The following SLC7A1 variants were observed in gnomAD, a reference collection of about 807,000 sequenced individuals.
SLC7A1 encodes high affinity cationic amino acid transporter 1.
In SLC7A1, 10 loss-of-function variants were observed where a neutral mutation model predicts 53.9. The ratio of observed to expected loss-of-function variants is 0.19; its 90% CI spans 0.11 to 0.31. The LOEUF is 0.31. SLC7A1 is among the 10% of genes least tolerant of loss of function. SLC7A1 has a pLI of 1.00. For synonymous variants in SLC7A1, 342 were observed against 338.7 expected (o/e 1.01, Z -0.11); for missense variants, 525 against 827.2 (o/e 0.63, Z 4.48).
chr13:29,543,013 A>G (rs574831327), intron 2 of SLC7A1, among the ~76,000 whole-genome samples: 27 of 152,346 alleles, frequency 1.8e-4, no homozygotes, highest in Middle Eastern at 3.4e-3. Flanking sequence ...AATTCCACCC[A>G]AAGTGACTGA....
rs541839341 is a variant in SLC7A1, at chr13:29,564,510, C to T, written c.-114-10650G>A. ...TGCGTCTAACTCTAAATCCACGATG[C>T]TCCATTATTTTCAATACTACTGAAA... On this transcript the variant is annotated intron_variant, in intron 1 of 12. Coordinates refer to ENST00000380752, the MANE Select transcript of SLC7A1 (RefSeq NM_003045.5). 5.3e-5 allele frequency among the ~76,000 whole-genome samples: 8 copies of T among 152,324 alleles called. No homozygotes were observed. In the South Asian group the frequency reaches 1.2e-3, roughly 24 times the overall value.
chr13:29,568,959 C>T (rs1224952539), intron 1 of SLC7A1, among the ~76,000 whole-genome samples: 1 of 152,202 alleles, frequency 6.6e-6, no homozygotes, highest in African/African-American at 2.4e-5. Context: ...AACAAGCCAC[C>T]AGCTTAAATT....
intron 1 of SLC7A1, among the ~76,000 whole-genome samples, chr13:29,578,787 G>T (rs1017472193): frequency 1.3e-5 from 2 of 152,206 alleles, no homozygotes; most frequent in Admixed American, 1.3e-4. Flanking sequence ...CCGGCTCCCT[G>T]TCACAGCCTG....
intron 1 of SLC7A1, among the ~76,000 whole-genome samples, chr13:29,594,822 T>G (rs1211196789): frequency 6.6e-6 from 1 of 151,872 alleles, no homozygotes; most frequent in Non-Finnish European, 1.5e-5. Context: ...CCAGGCGCCC[T>G]AGGTCAGGGC....
intron 1 of SLC7A1, among the ~76,000 whole-genome samples, chr13:29,562,428 C>T (rs1263268899): frequency 2.6e-5 from 4 of 152,198 alleles, no homozygotes; most frequent in African/African-American, 9.7e-5. Flanking sequence ...TGAGCACCAA[C>T]ATGATGCTCA....
intron 2 of SLC7A1, among the ~76,000 whole-genome samples, chr13:29,543,189 C>T (rs1869744296): frequency 6.6e-6 from 1 of 151,926 alleles, no homozygotes; most frequent in African/African-American, 2.4e-5. Context: ...GAGTGTGGGA[C>T]AAAGAAAAGG....
intron 2 of SLC7A1, among the ~76,000 whole-genome samples, chr13:29,544,567 A>G (rs1869822822): frequency 6.6e-6 from 1 of 152,164 alleles, no homozygotes; most frequent in Admixed American, 6.5e-5. Flanking sequence ...CTGGTTGCAC[A>G]TTAGAATCAT....
At chr13:29,583,347 T>C (rs1871735220) in intron 1 of SLC7A1, among the ~76,000 whole-genome samples, 2 of 152,242 alleles carry the variant, frequency 1.3e-5, no homozygotes, top group Admixed American at 1.3e-4. Flanking sequence ...GAGAAACCCA[T>C]GCTTTCCCTC....
chr13:29,565,038 C>T (rs1443939151), intron 1 of SLC7A1, among the ~76,000 whole-genome samples: 1 of 152,136 alleles, frequency 6.6e-6, no homozygotes, highest in African/African-American at 2.4e-5. Context: ...TAAAGAAATC[C>T]TCTAGTTTAA....
In SLC7A1 at chr13:29,517,095, G is replaced by A. The variant is rs770426521; in HGVS notation, c.1677+49C>T. On this transcript the variant is annotated intron_variant, in intron 11 of 12. Transcript: ENST00000380752. ...ACGCAGGGCTGGCCAGGCATCAGGA[G>A]GGCCAGGGTCTGTGTACCAGGGTTC... The A allele has an allele frequency of 8.0e-6, 12 of 1,504,688 alleles. No homozygotes were observed. The South Asian group carries it at 1.6e-4, about 20-fold the overall frequency. The allele number at this position is 1,504,688 out of a possible 1,614,324, so 93.2% of individuals were successfully genotyped here.
At chr13:29,589,234 A>T (rs1461322590) in intron 1 of SLC7A1, among the ~76,000 whole-genome samples, 1 of 152,262 alleles carries the variant, frequency 6.6e-6, no homozygotes, top group Non-Finnish European at 1.5e-5. Context: ...GGCCTTAAGA[A>T]GGATGGAACA....
At chr13:29,526,651 C>T (rs1012799276) in intron 5 of SLC7A1, among the ~76,000 whole-genome samples, 4 of 152,086 alleles carry the variant, frequency 2.6e-5, no homozygotes, top group African/African-American at 9.7e-5. Flanking sequence ...TGATTAAATC[C>T]CAGAAAGAGA....
At chr13:29,539,100 C>T (rs141465363) in intron 2 of SLC7A1, among the ~76,000 whole-genome samples, 75 of 152,272 alleles carry the variant, frequency 4.9e-4, no homozygotes, top group South Asian at 3.7e-3. Flanking sequence ...ATAACCTAAG[C>T]GCGCCCAGAA....
intron 9 of SLC7A1, among the ~76,000 whole-genome samples, chr13:29,518,716 T>C (rs1444853632): frequency 6.6e-6 from 1 of 152,102 alleles, no homozygotes; most frequent in Non-Finnish European, 1.5e-5. Context: ...ATGCAATCAA[T>C]GGCCTTGCAG....
Position 29,523,258 on chromosome 13 carries a change from CCT to C in SLC7A1, c.1049+6_1049+7del. On this transcript the variant is annotated splice_donor_region_variant and intron_variant, in intron 7 of 12. Transcript: ENST00000380752. ...CCTAGGAGCAGCCACCACAGAAAGGCCTCTCACCTGGCGGAAAGAGCGCAGAG... is the reference window on the plus strand; with the variant it reads ...CCTAGGAGCAGCCACCACAGAAAGGCCTCACCTGGCGGAAAGAGCGCAGAG... 4 of 1,610,826 alleles carry C rather than the reference CCT, an allele frequency of 2.5e-6. No individual in the cohort carries two copies. Among genetic ancestry groups the C allele is most frequent in the South Asian group, 1.1e-5 (1 of 91,028 alleles).
intron 2 of SLC7A1, among the ~76,000 whole-genome samples, chr13:29,553,521 G>A (rs1251794844): frequency 1.3e-5 from 2 of 152,202 alleles, no homozygotes; most frequent in Non-Finnish European, 1.5e-5. Flanking sequence ...AGGAATTTAA[G>A]GAACACACTA....
chr13:29,511,489 G>A lies in SLC7A1; in HGVS notation c.*2991C>T, dbSNP rs1397286417. 1 of 152,304 alleles carries A rather than the reference G, an allele frequency of 6.6e-6. No individual in the cohort carries two copies. Among genetic ancestry groups the A allele is most frequent in the Non-Finnish European group, 1.5e-5 (1 of 68,102 alleles). 9.4% of individuals were successfully genotyped at this position (152,304 alleles called of 1,614,324 possible). ...TCCGATGCATAAAGCCTTGGACAAG[G>A]GTGTGTGAGCAGGGATGATAAGTAG... On this transcript the variant is annotated 3_prime_UTR_variant, in exon 13 of 13. Transcript: ENST00000380752.
chr13:29,522,133 C>G (rs1233163952), intron 8 of SLC7A1, among the ~76,000 whole-genome samples, 184 bp downstream of exon 8: 1 of 152,204 alleles, frequency 6.6e-6, no homozygotes, highest in Non-Finnish European at 1.5e-5. Flanking sequence ...CTCTGTCAAA[C>G]GGGCCTCTGC....
At position 29,523,251 on chromosome 13, in the gene SLC7A1, A is replaced by ATT; in HGVS notation, c.1049+14_1049+15insAA. The ATT allele has an allele frequency of 2.5e-6, 4 of 1,608,856 alleles. No individual in the cohort carries two copies. The highest frequency in any genetic ancestry group is 3.4e-6 in the Non-Finnish European group (4 of 1,177,052). ...TTCCACCCCTAGGAGCAGCCACCAC[A>ATT]GAAAGGCCTCTCACCTGGCGGAAAG... is the stretch of plus-strand genomic sequence containing the variant. On this transcript the variant is annotated intron_variant, in intron 7 of 12. Transcript: ENST00000380752.
Sources: allele counts gnomAD v4.1 joint callset (sites outside exome capture counted in the v4.1 genomes callset), GRCh38; gene constraint gnomAD v4.1.1; transcripts MANE v1.5; gene names NCBI Gene and HGNC (gene_info 2026-07-23, HGNC 2026-07-21).